Variants in GALNT17 observed in about 807,000 individuals in gnomAD.
GALNT17 encodes polypeptide N-acetylgalactosaminyltransferase 17, also known as UDP-GalNAc:polypeptide N-acetylgalactosaminyltransferase-like 3.
In GALNT17, 29 loss-of-function variants were observed where a neutral mutation model predicts 63.7. The ratio of observed to expected loss-of-function variants is 0.46; its 90% confidence interval spans 0.34 to 0.62. The LOEUF is 0.62. Ranked by LOEUF, GALNT17 falls within the 20% of genes least tolerant of loss-of-function variation. GALNT17 has a pLI of 0.01. For synonymous variants in GALNT17, 305 were observed against 318.3 expected, an observed-to-expected ratio of 0.96 and a Z score of 0.45; for missense variants, 603 against 799.6, an observed-to-expected ratio of 0.75 and a Z score of 2.97.
chr7:71,279,671 T>A (rs930213670), intron 1 of GALNT17, among the ~76,000 whole-genome samples: 1 of 151,856 alleles, frequency 6.6e-6, no homozygotes, highest in Non-Finnish European at 1.5e-5. Context: ...CTGCAAACTC[T>A]GTTCTGTCTG....
intron 2 of GALNT17, among the ~76,000 whole-genome samples, chr7:71,385,085 A>G (rs78085408): frequency 1.2e-3 from 185 of 152,192 alleles, no homozygotes; most frequent in African/African-American, 4.2e-3. Flanking sequence ...GGTGTGGCAG[A>G]TGTTAGGGCA....
chr7:71,191,951 G>A (rs897261746), intron 1 of GALNT17, among the ~76,000 whole-genome samples: 1 of 152,138 alleles, frequency 6.6e-6, no homozygotes, highest in Non-Finnish European at 1.5e-5. Flanking sequence ...GCTAGTTGAG[G>A]AGCAAGGAAG....
intron 5 of GALNT17, among the ~76,000 whole-genome samples, chr7:71,516,071 A>G (rs1269779495): frequency 6.6e-6 from 1 of 152,114 alleles, no homozygotes; most frequent in Admixed American, 6.5e-5. Flanking sequence ...AGATGAACAT[A>G]TGGTAGAGGA....
chr7:71,691,557 C>G (rs1054494847), intron 9 of GALNT17, among the ~76,000 whole-genome samples: 3 of 152,184 alleles, frequency 2.0e-5, no homozygotes, highest in Admixed American at 2.0e-4. Flanking sequence ...TCTTTCCTGC[C>G]AGAATGGATT....
intron 2 of GALNT17, among the ~76,000 whole-genome samples, chr7:71,380,560 A>G (rs1470750423): frequency 2.0e-5 from 3 of 151,992 alleles, no homozygotes; most frequent in Admixed American, 2.0e-4. Context: ...GGCCTCAACA[A>G]TCCTCCTGCT....
At chr7:71,437,476 A>G (rs926138572) in intron 5 of GALNT17, among the ~76,000 whole-genome samples, 3 of 152,234 alleles carry the variant, frequency 2.0e-5, no homozygotes, top group African/African-American at 7.2e-5. Flanking sequence ...GATCAACTTT[A>G]TCACTTTCTG....
intron 5 of GALNT17, among the ~76,000 whole-genome samples, chr7:71,448,820 A>G (rs1004239423): frequency 4.6e-5 from 7 of 152,182 alleles, no homozygotes; most frequent in African/African-American, 1.7e-4. Flanking sequence ...ATTTTTGTGT[A>G]TGAATCATAC....
At chr7:71,400,976 T>C (rs936265068) in intron 3 of GALNT17, among the ~76,000 whole-genome samples, 1 of 152,372 alleles carries the variant, frequency 6.6e-6, no homozygotes, top group African/African-American at 2.4e-5. Flanking sequence ...TATGGAAATT[T>C]ACTGTGCCTT....
intron 2 of GALNT17, among the ~76,000 whole-genome samples, chr7:71,373,763 G>A (rs962570628): frequency 5.3e-5 from 8 of 152,040 alleles, no homozygotes; most frequent in South Asian, 2.1e-4. Flanking sequence ...TCACCCCCAC[G>A]CCACACCCCC....
intron 1 of GALNT17, among the ~76,000 whole-genome samples, chr7:71,331,671 T>C (rs1342758956): frequency 6.6e-6 from 1 of 151,874 alleles, no homozygotes; most frequent in Non-Finnish European, 1.5e-5. Flanking sequence ...GCTGTGATTA[T>C]ACCACTGCAC....
At chr7:71,295,910 T>G (rs1056783598) in intron 1 of GALNT17, among the ~76,000 whole-genome samples, 1 of 151,918 alleles carries the variant, frequency 6.6e-6, no homozygotes, top group African/African-American at 2.4e-5. Flanking sequence ...CTGCCTTTCT[T>G]TCTTGGGTTT....
chr7:71,556,810 C>T (rs2116844007), intron 5 of GALNT17, among the ~76,000 whole-genome samples: 1 of 152,276 alleles, frequency 6.6e-6, no homozygotes, highest in Non-Finnish European at 1.5e-5. Flanking sequence ...AGGTGATCCA[C>T]CCACCTTGGC....
At chr7:71,390,480 G>C (rs1793030611) in intron 3 of GALNT17, among the ~76,000 whole-genome samples, 2 of 152,238 alleles carry the variant, frequency 1.3e-5, no homozygotes, top group Non-Finnish European at 2.9e-5. Context: ...TTGGCCATTA[G>C]TTATCTATAG....
chr7:71,521,794 C>T (rs1446263399), intron 5 of GALNT17, among the ~76,000 whole-genome samples: 2 of 152,182 alleles, frequency 1.3e-5, no homozygotes, highest in Non-Finnish European at 2.9e-5. Context: ...CAGCTGATGG[C>T]ATTGTCATGT....
At chr7:71,217,619 A>C (rs116911001) in intron 1 of GALNT17, among the ~76,000 whole-genome samples, 1 of 152,082 alleles carries the variant, frequency 6.6e-6, no homozygotes, top group Non-Finnish European at 1.5e-5. Context: ...TAAGTCATGT[A>C]CATAGTCGTT....
intron 5 of GALNT17, among the ~76,000 whole-genome samples, chr7:71,545,642 A>G (rs1415656269): frequency 1.3e-5 from 2 of 152,166 alleles, no homozygotes; most frequent in Non-Finnish European, 2.9e-5. Flanking sequence ...ATGAGCCACC[A>G]CAGCCAGCCT....
intron 6 of GALNT17, among the ~76,000 whole-genome samples, chr7:71,586,404 T>C (rs956077874): frequency 6.6e-6 from 1 of 152,252 alleles, no homozygotes; most frequent in Non-Finnish European, 1.5e-5. Context: ...TGTCAATATA[T>C]GACAATTTGT....
chr7:71,136,266 G>A (rs1787782911), intron 1 of GALNT17, among the ~76,000 whole-genome samples: 1 of 152,156 alleles, frequency 6.6e-6, no homozygotes, highest in African/African-American at 2.4e-5. Flanking sequence ...TTGCTCCCGA[G>A]GGTGGAGAAG....
intron 2 of GALNT17, among the ~76,000 whole-genome samples, chr7:71,353,340 C>A (rs777348872): frequency 3.2e-4 from 48 of 152,064 alleles, no homozygotes; most frequent in Non-Finnish European, 6.8e-4. Context: ...TTCAGTGTGA[C>A]CAACCCAAGA....
Sources: allele counts gnomAD v4.1 joint callset (sites outside exome capture counted in the v4.1 genomes callset), GRCh38; gene constraint gnomAD v4.1.1; transcripts MANE v1.5; gene names NCBI Gene and HGNC (gene_info 2026-07-23, HGNC 2026-07-21).